Variants in PRELID2 observed in about 807,000 individuals in gnomAD.
The protein encoded by PRELID2 is PRELI domain containing 2.
PRELID2 carries 25 observed loss-of-function variants against 28.4 expected under a neutral mutation model. That is an observed-to-expected ratio of 0.88 (90% CI 0.64 to 1.23). The LOEUF (loss-of-function observed/expected upper bound fraction) is 1.23, where lower values mean the gene tolerates loss of function less well. Ranked by LOEUF, PRELID2 falls within the 50% of genes most tolerant of loss-of-function variation. The probability of loss-of-function intolerance (pLI) is 0.00; values close to 1 mark genes in which losing one functional copy is unlikely to be tolerated. For missense variants in PRELID2, 201 were observed against 214.4 expected (o/e 0.94, Z 0.39); for synonymous variants, 76 against 71.6 (o/e 1.06, Z -0.31).
intron 1 of PRELID2, among the ~76,000 whole-genome samples, chr5:145,600,776 G>T (rs942198803): frequency 3.9e-5 from 6 of 151,906 alleles, no homozygotes; most frequent in East Asian, 1.9e-4. Flanking sequence ...GACCAATAAG[G>T]ACTTCAGATA....
intron 1 of PRELID2, among the ~76,000 whole-genome samples, chr5:145,487,975 T>G: frequency 6.6e-6 from 1 of 151,302 alleles, no homozygotes; most frequent in Non-Finnish European, 1.5e-5. Context: ...ATACAAAAAA[T>G]TAGCCGGGCG....
At chr5:145,347,536 G>A in the PRELID2 span, among the ~76,000 whole-genome samples, 110 of 152,184 alleles carry the variant, frequency 7.2e-4, no homozygotes, top group Non-Finnish European at 9.0e-4. Context: ...CAAAGATTCC[G>A]GAGTTTAAAT....
chr5:145,411,433 A>G, the PRELID2 span, among the ~76,000 whole-genome samples: 10 of 152,332 alleles, frequency 6.6e-5, no homozygotes, highest in East Asian at 1.9e-3. Flanking sequence ...TCTGTCATTA[A>G]ACCTTAAAGT....
intron 1 of PRELID2, among the ~76,000 whole-genome samples, chr5:145,722,752 G>A (rs138629674): frequency 1.3e-4 from 19 of 151,800 alleles, no homozygotes; most frequent in East Asian, 7.8e-4. Context: ...CGCCCACCTC[G>A]GCCTCCCAAA....
chr5:145,740,604 TTATATATATAAATATATATATA>T (rs1561566449), intron 1 of PRELID2, among the ~76,000 whole-genome samples: 26 of 4,162 alleles, frequency 6.2e-3, no homozygotes, highest in Middle Eastern at 0.1. Context: ...TATATATATA[TTATATATATAAATATATATATA>T]TTATATATAT....
chr5:145,820,798 C>G (rs945965724), intron 2 of PRELID2, among the ~76,000 whole-genome samples: 1 of 152,024 alleles, frequency 6.6e-6, no homozygotes, highest in East Asian at 1.9e-4. Context: ...AATGGCTATT[C>G]CTGTTCTTTT....
At chr5:145,277,585 C>A in the PRELID2 span, among the ~76,000 whole-genome samples, 6 of 152,170 alleles carry the variant, frequency 3.9e-5, no homozygotes, top group Non-Finnish European at 8.8e-5. Flanking sequence ...AATTTAGTGA[C>A]ACTGTCATGG....
chr5:145,370,788 C>G, the PRELID2 span, among the ~76,000 whole-genome samples: 1 of 151,790 alleles, frequency 6.6e-6, no homozygotes, highest in Non-Finnish European at 1.5e-5. Context: ...CCTCTCTTAT[C>G]TCCTTGAGCA....
the PRELID2 span, among the ~76,000 whole-genome samples, chr5:145,413,620 A>G: frequency 3.4e-5 from 5 of 145,420 alleles, no homozygotes; most frequent in Non-Finnish European, 7.6e-5. Context: ...ATACACACAC[A>G]CACACACACA....
the PRELID2 span, among the ~76,000 whole-genome samples, chr5:145,314,068 T>C: frequency 6.6e-6 from 1 of 152,206 alleles, no homozygotes; most frequent in South Asian, 2.1e-4. Flanking sequence ...GCATTTTAAA[T>C]TATGTCATAT....
intron 1 of PRELID2, among the ~76,000 whole-genome samples, chr5:145,691,776 A>C (rs555771704): frequency 3.7e-4 from 57 of 152,228 alleles, no homozygotes; most frequent in African/African-American, 1.4e-3. Context: ...CTTAATCAAA[A>C]GACAGCCAGT....
intron 1 of PRELID2, among the ~76,000 whole-genome samples, chr5:145,675,735 T>A (rs941305568): frequency 2.0e-5 from 3 of 152,070 alleles, no homozygotes; most frequent in African/African-American, 7.2e-5. Context: ...TAAAGGATTA[T>A]AGAAAAAAAA....
intron 4 of PRELID2, among the ~76,000 whole-genome samples, chr5:145,799,637 G>C (rs904609147): frequency 1.6e-4 from 24 of 152,176 alleles, no homozygotes; most frequent in Admixed American, 9.8e-4. Context: ...AAAATGCCCA[G>C]TACATGGTAT....
At chr5:145,430,519 T>C in the PRELID2 span, among the ~76,000 whole-genome samples, 1 of 152,172 alleles carries the variant, frequency 6.6e-6, no homozygotes, top group Non-Finnish European at 1.5e-5. Flanking sequence ...TCGTCACTTC[T>C]GCCCACTGCC....
intron 1 of PRELID2, among the ~76,000 whole-genome samples, chr5:145,542,780 T>C (rs1476889031): frequency 8.8e-6 from 1 of 113,124 alleles, no homozygotes. Context: ...TTTCTTTCTT[T>C]CTTTCTGTCT....
chr5:145,661,666 T>TAAAAAAAAAAAAAAAA (rs567073073), intron 1 of PRELID2, among the ~76,000 whole-genome samples: 1 of 97,184 alleles, frequency 1.0e-5, no homozygotes, highest in African/African-American at 3.2e-5. Flanking sequence ...AACAAGCCAT[T>TAAAAAAAAAAAAAAAA]AAAAAAAAAA....
the PRELID2 span, among the ~76,000 whole-genome samples, chr5:145,410,594 G>T: frequency 1.3e-5 from 2 of 152,042 alleles, no homozygotes; most frequent in Non-Finnish European, 2.9e-5. Flanking sequence ...ATTGAAGGAG[G>T]AGTCCCTTTA....
the PRELID2 span, among the ~76,000 whole-genome samples, chr5:145,406,733 C>T: frequency 6.6e-6 from 1 of 152,216 alleles, no homozygotes; most frequent in African/African-American, 2.4e-5. Flanking sequence ...ACTCCATGAG[C>T]TGAACAACTG....
At chr5:145,799,924 G>A (rs1753017012) in intron 4 of PRELID2, among the ~76,000 whole-genome samples, 1 of 152,058 alleles carries the variant, frequency 6.6e-6, no homozygotes, top group Non-Finnish European at 1.5e-5. Context: ...TCACCATAGT[G>A]CTTACACTGA....
Sources: allele counts gnomAD v4.1 joint callset (sites outside exome capture counted in the v4.1 genomes callset), GRCh38; gene constraint gnomAD v4.1.1; transcripts MANE v1.5; gene names NCBI Gene and HGNC (gene_info 2026-07-23, HGNC 2026-07-21).